The following TNR variants were observed in gnomAD, a reference collection of about 807,000 sequenced individuals.
TNR encodes tenascin R.
TNR carries 45 observed loss-of-function variants against 150.4 expected under a neutral mutation model. The ratio of observed to expected loss-of-function variants is 0.30; its 90% CI spans 0.24 to 0.38. The LOEUF is 0.38. TNR is among the 10% of genes least tolerant of loss of function. The pLI, the probability that TNR is intolerant of heterozygous loss-of-function variation, is 1.00. For missense variants in TNR, 1,544 were observed against 1,759.1 expected, an observed-to-expected ratio of 0.88 and a Z score of 2.19; for synonymous variants, 687 against 678.4, an observed-to-expected ratio of 1.01 and a Z score of -0.20.
rs559526020 is a variant in TNR, at chr1:175,501,239, G to A, written c.-64+27030C>T. ...GACACACTCTCCTGTTGGCCTGGAA[G>A]GAAGTAGACAGCCAAAATATAAAAA... is the stretch of plus-strand genomic sequence containing the variant. On this transcript the variant is annotated intron_variant, in intron 2 of 22. Coordinates refer to ENST00000367674, the MANE Select transcript of TNR (RefSeq NM_003285.3). 5.8e-4 allele frequency among the ~76,000 whole-genome samples: 88 copies of A among 152,324 alleles called. No homozygotes were observed. The South Asian group carries it at 0.018, about 31-fold the overall frequency.
intron 1 of TNR, among the ~76,000 whole-genome samples, chr1:175,692,118 A>C (rs962721367): frequency 6.6e-6 from 1 of 152,244 alleles, no homozygotes; most frequent in African/African-American, 2.4e-5. Context: ...GAATGGAGCA[A>C]AATGTATCCG....
At chr1:175,525,287 T>G (rs1489755446) in intron 2 of TNR, among the ~76,000 whole-genome samples, 1 of 152,166 alleles carries the variant, frequency 6.6e-6, no homozygotes, top group Non-Finnish European at 1.5e-5. Context: ...TAAACCTCTT[T>G]CCTTTATAAA....
intron 9 of TNR, among the ~76,000 whole-genome samples, chr1:175,369,993 G>T (rs1406915261): frequency 6.6e-6 from 1 of 152,186 alleles, no homozygotes; most frequent in African/African-American, 2.4e-5. Context: ...ATTCGAATCA[G>T]CCCTCTTTTT....
intron 2 of TNR, among the ~76,000 whole-genome samples, chr1:175,463,677 T>C (rs1656912699): frequency 6.6e-6 from 1 of 152,212 alleles, no homozygotes; most frequent in Non-Finnish European, 1.5e-5. Context: ...TCCAGAATTG[T>C]GCCATATGCC....
At chr1:175,448,094 G>A (rs1307195912) in intron 2 of TNR, among the ~76,000 whole-genome samples, 1 of 152,206 alleles carries the variant, frequency 6.6e-6, no homozygotes, top group Non-Finnish European at 1.5e-5. Context: ...GCAGCACCCA[G>A]TGACCTCCAC....
At chr1:175,324,303 G>A in intron 22 of TNR, 53 bp downstream of exon 22, 1 of 1,571,500 alleles carries the variant, frequency 6.4e-7, no homozygotes, top group Non-Finnish European at 8.6e-7. Context: ...AGCTAAGGGA[G>A]CACGGATTCC....
At chr1:175,400,154 C>T (rs1553215160) in intron 4 of TNR, among the ~76,000 whole-genome samples, 1 of 152,198 alleles carries the variant, frequency 6.6e-6, no homozygotes, top group Non-Finnish European at 1.5e-5. Flanking sequence ...TGTGCTTTTC[C>T]ACCCTACCTC....
intron 1 of TNR, among the ~76,000 whole-genome samples, chr1:175,708,655 G>A (rs577736232): frequency 7.9e-5 from 12 of 152,244 alleles, no homozygotes; most frequent in Admixed American, 2.6e-4. Context: ...CTGACCAGTC[G>A]TCAAGACTGG....
At chr1:175,535,661 G>T (rs1013060777) in intron 1 of TNR, among the ~76,000 whole-genome samples, 1 of 151,292 alleles carries the variant, frequency 6.6e-6, no homozygotes, top group Admixed American at 6.6e-5. Context: ...TAGTAGAGAC[G>T]GGGTCTCACT....
intron 1 of TNR, among the ~76,000 whole-genome samples, chr1:175,570,375 G>C (rs980948883): frequency 6.6e-6 from 1 of 152,180 alleles, no homozygotes; most frequent in African/African-American, 2.4e-5. Context: ...AAGGAGCTGA[G>C]CTTTTATGAG....
chr1:175,399,511 T>G (rs938410007), intron 4 of TNR, among the ~76,000 whole-genome samples: 2 of 152,222 alleles, frequency 1.3e-5, no homozygotes, highest in African/African-American at 4.8e-5. Flanking sequence ...ACTGGCGTCA[T>G]TCCTCGTGGA....
At chr1:175,469,200 A>G (rs988132210) in intron 2 of TNR, among the ~76,000 whole-genome samples, 1 of 152,058 alleles carries the variant, frequency 6.6e-6, no homozygotes, top group Non-Finnish European at 1.5e-5. Context: ...ATAGGACTGG[A>G]TGGAAGAGAT....
chr1:175,393,994 G>T (rs1653302196), intron 5 of TNR, 99 bp from the exon 6 acceptor site: 2 of 944,070 alleles, frequency 2.1e-6, no homozygotes, highest in South Asian at 1.4e-5. Flanking sequence ...CACGCCATGG[G>T]CGTGGTGGTG....
chr1:175,581,579 G>A (rs1043308350), intron 1 of TNR, among the ~76,000 whole-genome samples: 3 of 152,208 alleles, frequency 2.0e-5, no homozygotes, highest in Non-Finnish European at 4.4e-5. Context: ...CAGAGAAAAT[G>A]TGGTGGGAGT....
At chr1:175,633,991 T>C (rs1362718851) in intron 1 of TNR, among the ~76,000 whole-genome samples, 2 of 150,272 alleles carry the variant, frequency 1.3e-5, no homozygotes, top group Admixed American at 6.6e-5. Flanking sequence ...TTCGTAGGAC[T>C]GGGATGATGA....
chr1:175,706,800 T>G (rs147717405), intron 1 of TNR, among the ~76,000 whole-genome samples: 1 of 152,066 alleles, frequency 6.6e-6, no homozygotes, highest in Non-Finnish European at 1.5e-5. Context: ...AGAGGAGAGA[T>G]AGTCACCACC....
At chr1:175,357,959 G>C (rs1479246304) in intron 15 of TNR, among the ~76,000 whole-genome samples, 2 of 152,234 alleles carry the variant, frequency 1.3e-5, no homozygotes, top group African/African-American at 4.8e-5. Flanking sequence ...TTTAGTGTCT[G>C]TGAGCAGATG....
At chr1:175,702,952 A>G (rs1666738790) in intron 1 of TNR, among the ~76,000 whole-genome samples, 1 of 152,222 alleles carries the variant, frequency 6.6e-6, no homozygotes, top group Admixed American at 6.5e-5. Flanking sequence ...GCTCAAATAT[A>G]GTAATCCAAA....
Position 175,362,733 on chromosome 1 carries a change from T to C in TNR, c.2784A>G (p.Glu928=). ...FTITRLNPAT[E]YEISLNSVRG... is the part of the protein sequence containing the mutation. ...GCACGCTGTTGAGGCTGATTTCGTA[T>C]TCGGTAGCTGGGTTCAGTCTGGTGA... is the stretch of plus-strand genomic sequence containing the variant. Residue 928 remains glutamate (E), a synonymous_variant, in exon 14 of 23, where the codon GAA becomes GAG. Transcript: ENST00000367674. 1.9e-6 allele frequency: 3 copies of C among 1,614,130 alleles called. No individual in the cohort carries two copies. The highest frequency in any genetic ancestry group is 2.5e-6 in the Non-Finnish European group (3 of 1,179,984).
Sources: gnomAD v4.1 joint callset for allele counts (sites outside exome capture counted in the v4.1 genomes callset) on GRCh38, gnomAD v4.1.1 for gene constraint, MANE v1.5 for transcripts, NCBI Gene and HGNC (gene_info 2026-07-23, HGNC 2026-07-21) for gene names.